Variants in TMEM108 observed in about 807,000 individuals in gnomAD.
TMEM108 encodes the protein transmembrane protein 108.
A neutral mutation model predicts 35.1 loss-of-function variants in TMEM108; 12 were observed. The ratio of observed to expected loss-of-function variants is 0.34; its 90% confidence interval spans 0.22 to 0.55. The LOEUF (loss-of-function observed/expected upper bound fraction) is 0.55, where lower values mean the gene tolerates loss of function less well. Ranked by LOEUF, TMEM108 falls within the 20% of genes least tolerant of loss-of-function variation. The pLI is 0.89. For synonymous variants in TMEM108, 287 were observed against 308.6 expected (o/e 0.93, Z 0.73); for missense variants, 680 against 753.3 (o/e 0.90, Z 1.14).
intron 2 of TMEM108, among the ~76,000 whole-genome samples, chr3:133,096,339 T>G (rs1944014607): frequency 6.6e-6 from 1 of 152,122 alleles, no homozygotes; most frequent in Admixed American, 6.5e-5. Context: ...TTAAAAAATT[T>G]TTGTAGAGAT....
rs542642483 is a variant in TMEM108, at chr3:133,363,413, A to G, written c.41-16339A>G. Among the ~76,000 whole-genome samples, 613 of 127,528 alleles carry G rather than the reference A, an allele frequency of 4.8e-3. 2 individuals carry two copies. Among genetic ancestry groups the G allele is most frequent in the African/African-American group, 0.016 (586 of 35,568 alleles). 83.7% of individuals were successfully genotyped at this position (127,528 alleles called of 152,430 possible). On this transcript the variant is annotated intron_variant, in intron 3 of 5. Coordinates refer to ENST00000321871, the MANE Select transcript of TMEM108 (RefSeq NM_023943.4). Reference sequence around the variant, plus strand: ...TGGTATTTCTTATGTTCTGCTTTTCATTATTTTTTTTTTTTTGAGACAGGA... The same window carrying G: ...TGGTATTTCTTATGTTCTGCTTTTCGTTATTTTTTTTTTTTTGAGACAGGA...
At chr3:133,143,683 C>G (rs900023697) in intron 2 of TMEM108, among the ~76,000 whole-genome samples, 1 of 152,044 alleles carries the variant, frequency 6.6e-6, no homozygotes, top group South Asian at 2.1e-4. Context: ...TCTCCTAAGC[C>G]CCCTGGGTAG....
rs1050420211 is a variant in TMEM108, at chr3:133,209,257, G to C, written c.-46-20009G>C. Among the ~76,000 whole-genome samples, 12 of 150,794 alleles carry C rather than the reference G, an allele frequency of 8.0e-5. No individual in the cohort carries two copies. The South Asian group carries it at 2.1e-3, about 26-fold the overall frequency. On this transcript the variant is annotated intron_variant, in intron 2 of 5. Coordinates refer to ENST00000321871, the MANE Select transcript of TMEM108 (RefSeq NM_023943.4). ...GGGGTTTTGCTATTTTGCCAAGCTG[G>C]TCTCAACTCCGGCCTCAAGCAGCCT...
At chr3:133,359,879 T>A (rs1327862294) in intron 3 of TMEM108, among the ~76,000 whole-genome samples, 1 of 152,062 alleles carries the variant, frequency 6.6e-6, no homozygotes, top group African/African-American at 2.4e-5. Context: ...CACAAAGAAC[T>A]TGTAAACAAG....
chr3:133,078,147 G>C (rs1943764649), intron 2 of TMEM108, among the ~76,000 whole-genome samples: 1 of 101,652 alleles, frequency 9.8e-6, no homozygotes, highest in African/African-American at 4.9e-5. Context: ...CTCAGTGTGT[G>C]TGTGTGTGTG....
At position 133,259,946 on chromosome 3, in the gene TMEM108, C is replaced by G. The variant is rs538703584; in HGVS notation, c.40+30595C>G. On this transcript the variant is annotated intron_variant, in intron 3 of 5. Transcript: ENST00000321871. ...CCAGATAGGTGAAGGCGTGTGGTAA[C>G]AGAGCCCAGGAAAGGATCTGCAGGG... 2.6e-5 allele frequency among the ~76,000 whole-genome samples: 4 copies of G among 152,242 alleles called. No individual in the cohort carries two copies. In the East Asian group the frequency reaches 7.7e-4, roughly 29 times the overall value.
At chr3:133,384,963 C>T (rs1278668283) in intron 4 of TMEM108, among the ~76,000 whole-genome samples, 2 of 152,244 alleles carry the variant, frequency 1.3e-5, no homozygotes, top group Non-Finnish European at 1.5e-5. Flanking sequence ...ACACTAGACA[C>T]TTGAGGGCAC....
intron 3 of TMEM108, among the ~76,000 whole-genome samples, chr3:133,312,484 C>T (rs1215006734): frequency 1.3e-5 from 2 of 152,352 alleles, no homozygotes; most frequent in Non-Finnish European, 1.5e-5. Flanking sequence ...GTGGGTCAAT[C>T]TCAGACTGCT....
At chr3:133,042,936 CT>C (rs1943292069) in intron 1 of TMEM108, among the ~76,000 whole-genome samples, 1 of 152,222 alleles carries the variant, frequency 6.6e-6, no homozygotes, top group African/African-American at 2.4e-5. Context: ...TAATGTAGGG[CT>C]TTAAAGCAAC....
intron 3 of TMEM108, among the ~76,000 whole-genome samples, chr3:133,306,829 C>CGTGT (rs755833797): frequency 6.6e-6 from 1 of 151,406 alleles, no homozygotes; most frequent in East Asian, 1.9e-4. Context: ...AGTAAACATA[C>CGTGT]GTGTGTGTGT....
At chr3:133,073,526 A>ATATATATATT (rs1195384146) in intron 2 of TMEM108, among the ~76,000 whole-genome samples, 56 of 116,666 alleles carry the variant, frequency 4.8e-4, no homozygotes, top group Admixed American at 9.6e-4. Flanking sequence ...ATATATATAT[A>ATATATATATT]TATATATATC....
chr3:133,076,672 G>T, intron 2 of TMEM108, among the ~76,000 whole-genome samples: 1 of 152,190 alleles, frequency 6.6e-6, no homozygotes, highest in East Asian at 1.9e-4. Context: ...GAGAATATTA[G>T]AACTGATTAC....
chr3:133,063,195 T>G (rs1013305390), intron 2 of TMEM108, among the ~76,000 whole-genome samples: 2 of 152,048 alleles, frequency 1.3e-5, no homozygotes, highest in Non-Finnish European at 2.9e-5. Context: ...GAACAGGGAC[T>G]GAAAAGCCAG....
chr3:133,305,515 A>T (rs1364640755), intron 3 of TMEM108, among the ~76,000 whole-genome samples: 2 of 151,024 alleles, frequency 1.3e-5, no homozygotes, highest in Non-Finnish European at 3.0e-5. Flanking sequence ...AAAGTATAAT[A>T]AAATAAATAA....
chr3:133,192,597 TTCAGTAGCTAGC>T (rs1945514914), intron 2 of TMEM108, among the ~76,000 whole-genome samples: 1 of 152,006 alleles, frequency 6.6e-6, no homozygotes, highest in Non-Finnish European at 1.5e-5. Flanking sequence ...AAGCTAGCAT[TTCAGTAGCTAGC>T]TAGGGAGGAA....
At chr3:133,123,369 G>C (rs964935354) in intron 2 of TMEM108, among the ~76,000 whole-genome samples, 1 of 152,166 alleles carries the variant, frequency 6.6e-6, no homozygotes, top group Non-Finnish European at 1.5e-5. Context: ...GGAATTACTG[G>C]TAAAAGAGGG....
chr3:133,170,739 G>C (rs1367847750), intron 2 of TMEM108, among the ~76,000 whole-genome samples: 1 of 151,676 alleles, frequency 6.6e-6, no homozygotes, highest in Non-Finnish European at 1.5e-5. Flanking sequence ...AGATCTCCAA[G>C]GTATGATAGG....
intron 3 of TMEM108, among the ~76,000 whole-genome samples, chr3:133,229,961 A>C (rs1946128310): frequency 6.6e-6 from 1 of 152,248 alleles, no homozygotes; most frequent in African/African-American, 2.4e-5. Context: ...ACAAAGCACC[A>C]ATTGCCATGT....
intron 3 of TMEM108, among the ~76,000 whole-genome samples, chr3:133,252,153 TA>T (rs1382548816): frequency 1.3e-5 from 2 of 152,154 alleles, no homozygotes; most frequent in Non-Finnish European, 2.9e-5. Context: ...CTCATGGGGG[TA>T]AATATTGCTA....
Sources: gnomAD v4.1 joint callset for allele counts (sites outside exome capture counted in the v4.1 genomes callset) on GRCh38, gnomAD v4.1.1 for gene constraint, MANE v1.5 for transcripts, NCBI Gene and HGNC (gene_info 2026-07-23, HGNC 2026-07-21) for gene names.